PPP1R12A: variants seen among roughly 807,000 people sequenced by gnomAD.
PPP1R12A encodes the protein protein phosphatase 1 regulatory subunit 12A.
In PPP1R12A, 19 loss-of-function variants were observed where a neutral mutation model predicts 139.6. The observed-to-expected ratio is 0.14, with a 90% confidence interval of 0.09 to 0.20. PPP1R12A has a LOEUF of 0.20. PPP1R12A is among the 10% of genes least tolerant of loss of function. PPP1R12A has a pLI of 1.00. For synonymous variants in PPP1R12A, 427 were observed against 420.6 expected, an observed-to-expected ratio of 1.02 and a Z score of -0.19; for missense variants, 925 against 1,211.5, an observed-to-expected ratio of 0.76 and a Z score of 3.51.
chr12:79,874,316 C>T (rs1261652983), intron 1 of PPP1R12A, among the ~76,000 whole-genome samples: 1 of 151,020 alleles, frequency 6.6e-6, no homozygotes, highest in African/African-American at 2.4e-5. Flanking sequence ...ATATTTGTTG[C>T]CAATGATAAA....
chr12:79,829,521 A>G (rs561562617), intron 4 of PPP1R12A, among the ~76,000 whole-genome samples: 25 of 152,216 alleles, frequency 1.6e-4, no homozygotes, highest in African/African-American at 5.5e-4. Flanking sequence ...CTACTCAATC[A>G]GCATATGGAG....
chr12:79,788,629 A>G lies in PPP1R12A; in HGVS notation c.2802+19T>C. On this transcript the variant is annotated intron_variant, in intron 21 of 24. Coordinates refer to ENST00000450142, the MANE Select transcript of PPP1R12A (RefSeq NM_002480.3). ...TAAAAGATAACTTTTTATTAAATAT[A>G]ACTAAATAACCCAAGTACCTTTTTA... 6.3e-7 allele frequency: 1 copy of G among 1,582,364 alleles called. No individual in the cohort carries two copies. Among genetic ancestry groups the G allele is most frequent in the South Asian group, 1.2e-5 (1 of 85,312 alleles).
chr12:79,784,171 A>G (rs187226150), intron 22 of PPP1R12A, among the ~76,000 whole-genome samples: 5 of 152,354 alleles, frequency 3.3e-5, no homozygotes, highest in African/African-American at 1.2e-4. Context: ...CCAAAAAAAA[A>G]AGGTGGAAAA....
At chr12:79,851,409 A>C (rs1279844162) in intron 2 of PPP1R12A, among the ~76,000 whole-genome samples, 5 of 152,250 alleles carry the variant, frequency 3.3e-5, no homozygotes, top group African/African-American at 1.2e-4. Context: ...TTCTGACCTC[A>C]GACCTTTGAA....
chr12:79,931,295 C>T (rs1240248497), intron 1 of PPP1R12A, among the ~76,000 whole-genome samples: 1 of 152,090 alleles, frequency 6.6e-6, no homozygotes, highest in Non-Finnish European at 1.5e-5. Flanking sequence ...CTTGTATTTA[C>T]TATATTACTA....
chr12:79,869,192 G>A (rs1053210057), intron 2 of PPP1R12A, among the ~76,000 whole-genome samples: 3 of 152,188 alleles, frequency 2.0e-5, no homozygotes, highest in African/African-American at 7.2e-5. Context: ...GCCAGTGTAT[G>A]AAGAGCCATC....
At chr12:79,928,442 T>A (rs1464395991) in intron 1 of PPP1R12A, among the ~76,000 whole-genome samples, 2 of 152,082 alleles carry the variant, frequency 1.3e-5, no homozygotes, top group East Asian at 3.9e-4. Context: ...GTTGGGAGGG[T>A]TTTATTTGTT....
At chr12:79,894,040 T>C (rs1050324478) in intron 1 of PPP1R12A, among the ~76,000 whole-genome samples, 5 of 152,164 alleles carry the variant, frequency 3.3e-5, no homozygotes, top group African/African-American at 1.2e-4. Context: ...GCTTTCACCT[T>C]CCCTAGTATT....
intron 15 of PPP1R12A, among the ~76,000 whole-genome samples, chr12:79,797,721 A>T (rs2137029905): frequency 6.6e-6 from 1 of 152,268 alleles, no homozygotes; most frequent in East Asian, 1.9e-4. Context: ...ATATGTGTGT[A>T]TATGTATCTA....
chr12:79,789,926 CA>C (rs1180769368), intron 20 of PPP1R12A, among the ~76,000 whole-genome samples: 1 of 151,366 alleles, frequency 6.6e-6, no homozygotes, highest in African/African-American at 2.4e-5. Flanking sequence ...AATAGAGGAG[CA>C]TACAGTTATG....
chr12:79,899,233 A>AAAAT (rs1885406970), intron 1 of PPP1R12A, among the ~76,000 whole-genome samples: 2 of 141,922 alleles, frequency 1.4e-5, no homozygotes, highest in Non-Finnish European at 3.0e-5. Flanking sequence ...AGATCTTAAA[A>AAAAT]ATATATATAT....
At chr12:79,894,242 C>T (rs1884925380) in intron 1 of PPP1R12A, among the ~76,000 whole-genome samples, 1 of 152,142 alleles carries the variant, frequency 6.6e-6, no homozygotes, top group South Asian at 2.1e-4. Context: ...GGAATTCCTC[C>T]CTCTACTAAG....
chr12:79,893,381 G>A (rs1191768051), intron 1 of PPP1R12A, among the ~76,000 whole-genome samples: 3 of 152,102 alleles, frequency 2.0e-5, no homozygotes, highest in African/African-American at 7.2e-5. Context: ...CTACTCGTAT[G>A]TACTATCTTT....
At chr12:79,777,319 C>T in intron 24 of PPP1R12A, 1 of 980,968 alleles carries the variant, frequency 1.0e-6, no homozygotes, top group Non-Finnish European at 1.2e-6. Context: ...AAAATCATCC[C>T]TAATTTTAAT....
intron 1 of PPP1R12A, among the ~76,000 whole-genome samples, chr12:79,924,483 C>A (rs1887680122): frequency 6.6e-6 from 1 of 152,174 alleles, no homozygotes; most frequent in Admixed American, 6.5e-5. Context: ...GGCTAGAATG[C>A]AGTGGCGTGA....
intron 3 of PPP1R12A, among the ~76,000 whole-genome samples, chr12:79,835,389 G>C (rs983781891): frequency 6.6e-6 from 1 of 152,064 alleles, no homozygotes; most frequent in African/African-American, 2.4e-5. Context: ...CAGTGATTCT[G>C]TGTCAGTTGC....
intron 1 of PPP1R12A, among the ~76,000 whole-genome samples, chr12:79,926,847 A>G: frequency 6.6e-6 from 1 of 152,168 alleles, no homozygotes; most frequent in East Asian, 1.9e-4. Context: ...GTCTCTAAAA[A>G]GAATCAAATA....
rs368606205 is a variant in PPP1R12A, at chr12:79,821,040, T to A, written c.956+38A>T. On this transcript the variant is annotated intron_variant, in intron 7 of 24. Transcript: ENST00000450142. ...GCCTGTGGCCACTATGCCAACTCAT[T>A]AACAAAAATAACAAATGTACTTGAA... 2.6e-5 allele frequency: 41 copies of A among 1,591,070 alleles called. No homozygotes were observed. In the African/African-American group the frequency reaches 5.1e-4, roughly 20 times the overall value.
intron 5 of PPP1R12A, among the ~76,000 whole-genome samples, chr12:79,822,976 CTTAA>C (rs1373028154): frequency 1.3e-5 from 2 of 152,026 alleles, no homozygotes; most frequent in Non-Finnish European, 2.9e-5. Context: ...CTTCCTAAAA[CTTAA>C]TTAACTTCTT....
Sources: allele counts gnomAD v4.1 joint callset (sites outside exome capture counted in the v4.1 genomes callset), GRCh38; gene constraint gnomAD v4.1.1; transcripts MANE v1.5; gene names NCBI Gene and HGNC (gene_info 2026-07-23, HGNC 2026-07-21).